The following CA4 variants were observed in gnomAD, a reference collection of about 807,000 sequenced individuals.
The protein encoded by CA4 is carbonic anhydrase 4.
CA4 carries 24 observed loss-of-function variants against 34.5 expected under a neutral mutation model. The observed-to-expected ratio is 0.70, with a 90% CI of 0.50 to 0.98. The LOEUF (loss-of-function observed/expected upper bound fraction) is 0.98. CA4 is among the 50% of genes least tolerant of loss of function. The probability of loss-of-function intolerance (pLI) is 0.00; values close to 1 mark genes in which losing one functional copy is unlikely to be tolerated. For synonymous variants in CA4, 178 were observed against 170.6 expected, an observed-to-expected ratio of 1.04 and a Z score of -0.34; for missense variants, 394 against 396.7, an observed-to-expected ratio of 0.99 and a Z score of 0.06.
rs1365921582 is a variant in CA4 at position 60,159,330 on chromosome 17, T to C, written c.845T>C (p.Ile282Thr). ...PLQQLGQRTV[I>T]KSGAPGRPLP... Reference sequence around the variant, plus strand: ...CAGCAGCTGGGGCAGCGCACGGTGATAAAGTCCGGGGCCCCGGGTCGGCCG... The same window carrying C: ...CAGCAGCTGGGGCAGCGCACGGTGACAAAGTCCGGGGCCCCGGGTCGGCCG... The change falls in exon 8 of 8, where the codon ATA becomes ACA. Residue 282 changes from isoleucine (I) to threonine (T), a missense_variant. Physicochemically the swap from Ile to Thr is moderately conservative, Grantham distance 89. Coordinates refer to ENST00000300900, the MANE Select transcript of CA4 (RefSeq NM_000717.5). 3.1e-6 allele frequency: 5 copies of C among 1,609,596 alleles called. No homozygotes were observed. Among genetic ancestry groups the C allele is most frequent in the Non-Finnish European group, 3.4e-6 (4 of 1,178,094 alleles).
intron 5 of CA4, among the ~76,000 whole-genome samples, chr17:60,165,831 C>G (rs1320359215): frequency 7.1e-6 from 1 of 141,120 alleles, no homozygotes; most frequent in African/African-American, 2.6e-5. Context: ...TAACAAATCT[C>G]TTTTTTTTTT....
Position 60,158,062 on chromosome 17 carries a change from C to G in CA4, c.515C>G (p.Ala172Gly). 2.5e-6 allele frequency: 4 copies of G among 1,613,976 alleles called. No homozygotes were observed. The highest frequency in any genetic ancestry group is 3.4e-6 in the Non-Finnish European group (4 of 1,179,926). The change falls in exon 6 of 8, where the codon GCT (alanine) becomes GGT (glycine). Residue 172 changes from alanine to glycine, a missense_variant and splice_region_variant. Coordinates refer to ENST00000300900, the MANE Select transcript of CA4 (RefSeq NM_000717.5). ...CAAGACCCTTCCCTCCCTTTCCAGG[C>G]TGGAACCCAGGTGAACGAGGGCTTC... ...EIAVLAFLVE[A>G]GTQVNEGFQP... is the part of the protein sequence containing the mutation.
At chr17:60,157,207 A>T (rs2083703085) in intron 3 of CA4, among the ~76,000 whole-genome samples, 1 of 152,212 alleles carries the variant, frequency 6.6e-6, no homozygotes, top group African/African-American at 2.4e-5. Flanking sequence ...TGGAGGGTGC[A>T]GGAGAGGGGG....
chr17:60,158,350 C>G lies in CA4; in HGVS notation c.648C>G (p.His216Gln), dbSNP rs1422213965. The G allele has an allele frequency of 2.5e-6, 4 of 1,614,182 alleles. No homozygotes were observed. In the South Asian group the frequency reaches 4.4e-5, roughly 18 times the overall value. ...TCCCCAAGGAGGAGAAACTGAGGCA[C>G]TACTTCCGCTACCTGGGCTCACTCA... Reference protein sequence around the residue: ...DLLPKEEKLRHYFRYLGSLTT... With the variant: ...DLLPKEEKLRQYFRYLGSLTT... The change falls in exon 7 of 8, where the codon CAC becomes CAG. Residue 216 changes from histidine (H) to glutamine (Q), a missense_variant. By Grantham distance (24) the His-to-Gln change is conservative. Transcript: ENST00000300900.
downstream of CA4, among the ~76,000 whole-genome samples, chr17:60,173,138 C>T (rs1202514963): frequency 2.6e-5 from 4 of 151,578 alleles, no homozygotes; most frequent in East Asian, 1.9e-4. Flanking sequence ...AGCGAAACTC[C>T]GTCTCAAAAA....
chr17:60,153,209 A>G (rs1269836636), intron 1 of CA4, among the ~76,000 whole-genome samples: 1 of 152,080 alleles, frequency 6.6e-6, no homozygotes, highest in South Asian at 2.1e-4. Context: ...ATGGTGGTAC[A>G]TGCCTGTAAT....
downstream of CA4, among the ~76,000 whole-genome samples, chr17:60,174,610 G>A (rs1272078190): frequency 6.6e-6 from 1 of 152,098 alleles, no homozygotes; most frequent in East Asian, 1.9e-4. Flanking sequence ...GCTTCCCACT[G>A]GTCAGGAAGT....
downstream of CA4, among the ~76,000 whole-genome samples, chr17:60,161,692 C>A (rs1255824533): frequency 6.6e-6 from 1 of 151,718 alleles, no homozygotes; most frequent in Non-Finnish European, 1.5e-5. Context: ...CCTCCGTCTT[C>A]CCTTTTGTAA....
At chr17:60,157,642 A>AG (rs1311044717) in intron 4 of CA4, 48 bp from the exon 5 acceptor site, 1 of 1,611,838 alleles carries the variant, frequency 6.2e-7, no homozygotes, top group Non-Finnish European at 8.5e-7. Context: ...CAAGGAGGGT[A>AG]GTCCAGGCCC....
Position 60,158,041 on chromosome 17 carries a change from A to T in CA4, c.514-20A>T, listed in dbSNP as rs767677980. On this transcript the variant is annotated intron_variant, in intron 5 of 7. Coordinates refer to ENST00000300900, the MANE Select transcript of CA4 (RefSeq NM_000717.5). ...CTGGCTCCCTGCAGACTTTCTCAAG[A>T]CCCTTCCCTCCCTTTCCAGGCTGGA... 2 of 1,612,948 alleles carry T rather than the reference A, an allele frequency of 1.2e-6. No homozygotes were observed. Among genetic ancestry groups the T allele is most frequent in the African/African-American group, 2.7e-5 (2 of 74,758 alleles).
Position 60,156,674 on chromosome 17 carries a change from A to G in CA4, c.227A>G (p.Asp76Gly), listed in dbSNP as rs1306399459. The change falls in exon 3 of 8, where the codon GAT (aspartate) becomes GGT (glycine). Residue 76 changes from aspartate (D) to glycine (G), a missense_variant. Asp to Gly is a moderately conservative substitution (Grantham distance 94, BLOSUM62 -1). Coordinates refer to ENST00000300900, the MANE Select transcript of CA4 (RefSeq NM_000717.5). ...GGACGCTTCTTCTTCTCTGGCTACG[A>G]TAAGAAGCAAACGTGGACTGTCCAA... ...KLGRFFFSGYDKKQTWTVQNN... is the reference protein window; with the variant it reads ...KLGRFFFSGYGKKQTWTVQNN... The G allele has an allele frequency of 6.2e-7, 1 of 1,614,172 alleles. No homozygotes were observed. The highest frequency in any genetic ancestry group is 1.7e-5 in the Admixed American group (1 of 60,026).
In CA4 at chr17:60,157,287, G is replaced by A. The variant is rs115043137; in HGVS notation, c.269-140G>A. On this transcript the variant is annotated intron_variant, in intron 3 of 7. Transcript: ENST00000300900. ...GCTGTCCCACCCTGTCCCACCCCGCGCCACCCCTGCAGGCCAGAACCAGAG... is the reference window on the plus strand; with the variant it reads ...GCTGTCCCACCCTGTCCCACCCCGCACCACCCCTGCAGGCCAGAACCAGAG... 1.7e-3 allele frequency: 821 copies of A among 471,456 alleles called. 6 individuals are homozygous for A. The highest frequency in any genetic ancestry group is 0.015 in the African/African-American group (725 of 49,220). 29.2% of individuals were successfully genotyped at this position (471,456 alleles called of 1,614,324 possible). A position where few individuals can be genotyped will look rare whatever the true frequency, so the allele number is the denominator to read the frequency against.
chr17:60,152,623 G>A (rs2083611835), intron 1 of CA4, among the ~76,000 whole-genome samples: 1 of 152,230 alleles, frequency 6.6e-6, no homozygotes, highest in Non-Finnish European at 1.5e-5. Context: ...CTGGCTGAAG[G>A]GAGGCTTCTC....
rs1263963402 is a variant in CA4, at chr17:60,157,465, G to A, written c.307G>A (p.Gly103Arg). The A allele has an allele frequency of 6.2e-7, 1 of 1,614,044 alleles. No individual in the cohort carries two copies. The highest frequency in any genetic ancestry group is 8.5e-7 in the Non-Finnish European group (1 of 1,180,010). ...LLENKASISG[G>R]GLPAPYQAKQ... ...GGAGAACAAGGCCAGCATTTCTGGA[G>A]GAGGACTGCCTGCCCCATACCAGGC... The change falls in exon 4 of 8, where the codon GGA becomes AGA. Residue 103 changes from glycine (G) to arginine (R), a missense_variant. Coordinates refer to ENST00000300900, the MANE Select transcript of CA4 (RefSeq NM_000717.5).
rs776961816 is a variant in CA4, at chr17:60,156,706, G to A, written c.259G>A (p.Gly87Arg). The change falls in exon 3 of 8, where the codon GGG (glycine) becomes AGG (arginine). Residue 87 changes from glycine (G) to arginine (R), a missense_variant. Physicochemically the swap from Gly to Arg is moderately radical, Grantham distance 125. Coordinates refer to ENST00000300900, the MANE Select transcript of CA4 (RefSeq NM_000717.5). ...KKQTWTVQNN[G>R]HSVMMLLENK... Reference sequence around the variant, plus strand: ...GCAAACGTGGACTGTCCAAAATAACGGGCACTCAGGTGGGCTGGATGGAGG... The same window carrying A: ...GCAAACGTGGACTGTCCAAAATAACAGGCACTCAGGTGGGCTGGATGGAGG... The A allele has an allele frequency of 8.3e-5, 134 of 1,613,932 alleles. No individual in the cohort carries two copies. Among genetic ancestry groups the A allele is most frequent in the Non-Finnish European group, 1.0e-4 (119 of 1,179,952 alleles).
intron 5 of CA4, among the ~76,000 whole-genome samples, chr17:60,168,473 G>A (rs1460431873): frequency 5.8e-5 from 4 of 68,912 alleles, no homozygotes; most frequent in Non-Finnish European, 1.0e-4. Context: ...TTTTGGGGGG[G>A]CAGGTGGGGA....
At chr17:60,158,179 A>G in intron 6 of CA4, 52 bp downstream of exon 6, 2 of 1,608,788 alleles carry the variant, frequency 1.2e-6, no homozygotes, top group Non-Finnish European at 8.5e-7. Flanking sequence ...GATTCCTCCC[A>G]CAAAGGAAGG....
intron 7 of CA4, 91 bp from the exon 8 acceptor site, chr17:60,159,139 C>T: frequency 8.6e-7 from 1 of 1,163,996 alleles, no homozygotes. Context: ...AATGAGGGCT[C>T]CCAGGACAGG....
At chr17:60,171,913 C>T (rs907184777), downstream of CA4, among the ~76,000 whole-genome samples, 2 of 152,240 alleles carry the variant, frequency 1.3e-5, no homozygotes, top group Non-Finnish European at 2.9e-5. Context: ...TCATACAATT[C>T]TGCCAAGTGC....
Sources: gnomAD v4.1 joint callset for allele counts (sites outside exome capture counted in the v4.1 genomes callset) on GRCh38, gnomAD v4.1.1 for gene constraint, MANE v1.5 for transcripts, NCBI Gene and HGNC (gene_info 2026-07-23, HGNC 2026-07-21) for gene names.